The following COL22A1 variants were observed in gnomAD, a reference collection of about 807,000 sequenced individuals.
COL22A1 encodes collagen type XXII alpha 1 chain.
In COL22A1, 221 loss-of-function variants were observed where a neutral mutation model predicts 248.9. That is an observed-to-expected ratio of 0.89 (90% confidence interval 0.80 to 0.99). The LOEUF is 0.99. Among genes scored for constraint, COL22A1 ranks in the 50% least tolerant of loss-of-function variants. The pLI is 0.00. For synonymous variants in COL22A1, 891 were observed against 793.4 expected, an observed-to-expected ratio of 1.12 and a Z score of -2.07; for missense variants, 2,240 against 2,179.0, an observed-to-expected ratio of 1.03 and a Z score of -0.56.
chr8:138,804,197 A>G (rs1205461021), intron 10 of COL22A1, among the ~76,000 whole-genome samples: 1 of 152,124 alleles, frequency 6.6e-6, no homozygotes, highest in Non-Finnish European at 1.5e-5. Flanking sequence ...GACTCAGCCT[A>G]TGCATGTGGA....
intron 2 of COL22A1, among the ~76,000 whole-genome samples, chr8:138,881,362 T>G (rs1211172295): frequency 6.6e-6 from 1 of 152,160 alleles, no homozygotes; most frequent in African/African-American, 2.4e-5. Flanking sequence ...TCAACTTTTC[T>G]TTTTTAAGTC....
chr8:138,765,094 C>T (rs1833803870), intron 16 of COL22A1, among the ~76,000 whole-genome samples: 1 of 152,212 alleles, frequency 6.6e-6, no homozygotes, highest in Non-Finnish European at 1.5e-5. Flanking sequence ...CCAAACTTGG[C>T]AAGGTTGGCA....
intron 41 of COL22A1, 23 bp downstream of exon 41, chr8:138,676,535 G>C (rs1160350424): frequency 1.3e-6 from 2 of 1,531,032 alleles, no homozygotes; most frequent in Non-Finnish European, 1.8e-6. Context: ...AAGCAAGTAA[G>C]AGCTGGATAA....
chr8:138,768,494 G>C (rs1268394532), intron 16 of COL22A1, among the ~76,000 whole-genome samples: 4 of 152,230 alleles, frequency 2.6e-5, no homozygotes, highest in Non-Finnish European at 5.9e-5. Flanking sequence ...CCTGTGCTTT[G>C]ACAAGAACTC....
At chr8:138,752,200 A>G (rs1483355447) in intron 21 of COL22A1, among the ~76,000 whole-genome samples, 1 of 152,174 alleles carries the variant, frequency 6.6e-6, no homozygotes, top group Non-Finnish European at 1.5e-5. Context: ...CCCTGACAGA[A>G]CCCTGATTTA....
At chr8:138,649,593 G>A in intron 46 of COL22A1, 72 bp downstream of exon 46, 1 of 1,551,698 alleles carries the variant, frequency 6.4e-7, no homozygotes, top group Non-Finnish European at 8.7e-7. Context: ...AGGCAGATGG[G>A]GCAATACTGA....
intron 62 of COL22A1, among the ~76,000 whole-genome samples, chr8:138,595,124 C>G (rs556270765): frequency 6.6e-6 from 1 of 152,194 alleles, no homozygotes; most frequent in African/African-American, 2.4e-5. Flanking sequence ...CCCAAGGCCC[C>G]CGGCGTTTGA....
intron 12 of COL22A1, among the ~76,000 whole-genome samples, chr8:138,793,635 A>T (rs1189671148): frequency 6.6e-6 from 1 of 152,224 alleles, no homozygotes; most frequent in Non-Finnish European, 1.5e-5. Flanking sequence ...TCTCCTGCCA[A>T]CATCGAAGAT....
chr8:138,764,778 G>A (rs944498642), intron 16 of COL22A1, among the ~76,000 whole-genome samples: 16 of 152,072 alleles, frequency 1.1e-4, no homozygotes, highest in African/African-American at 3.9e-4. Context: ...GGCCAACATG[G>A]TGAAACCCCA....
rs3935045 is a variant in COL22A1 at position 138,660,428 on chromosome 8, T to C, written c.3285+8A>G. ...TCAATATTCATCCAGAACCATAAGA[T>C]GACATACCGGCTTGCCAGGAGGCCC... is the stretch of plus-strand genomic sequence containing the variant. On this transcript the variant is annotated splice_region_variant and intron_variant, in intron 44 of 64. Transcript: ENST00000303045. 0.72 allele frequency: 1,166,129 copies of C among 1,609,078 alleles called. 436,137 individuals carry two copies. The highest frequency in any genetic ancestry group is 0.78 in the Non-Finnish European group (912,116 of 1,175,608).
intron 40 of COL22A1, 33 bp downstream of exon 40, chr8:138,679,584 T>A (rs1186294488): frequency 6.2e-7 from 1 of 1,600,540 alleles, no homozygotes; most frequent in Non-Finnish European, 8.6e-7. Context: ...TCCTTCTGTC[T>A]TTTTGCAAAT....
At chr8:138,592,012 T>C (rs1284892851) in intron 63 of COL22A1, among the ~76,000 whole-genome samples, 1 of 152,176 alleles carries the variant, frequency 6.6e-6, no homozygotes, top group Non-Finnish European at 1.5e-5. Context: ...AGGAAGAAAC[T>C]GGATGGTATA....
intron 3 of COL22A1, among the ~76,000 whole-genome samples, chr8:138,857,250 C>A (rs1381279513): frequency 6.6e-6 from 1 of 152,176 alleles, no homozygotes; most frequent in Non-Finnish European, 1.5e-5. Context: ...ACTACCACTG[C>A]TCACACTCAG....
intron 52 of COL22A1, among the ~76,000 whole-genome samples, chr8:138,620,941 GCA>G (rs1819733962): frequency 7.9e-6 from 1 of 126,742 alleles, no homozygotes; most frequent in African/African-American, 2.7e-5. Flanking sequence ...AACCAACCAA[GCA>G]TCCATCCATC....
chr8:138,878,474 C>G (rs571585695), intron 2 of COL22A1, among the ~76,000 whole-genome samples, 158 bp from the exon 3 acceptor site: 1 of 152,284 alleles, frequency 6.6e-6, no homozygotes, highest in East Asian at 1.9e-4. Flanking sequence ...AAGGCCTGAG[C>G]CTCAGTTTCC....
intron 41 of COL22A1, among the ~76,000 whole-genome samples, chr8:138,668,138 A>G (rs889907797): frequency 5.3e-5 from 8 of 152,210 alleles, no homozygotes; most frequent in Non-Finnish European, 1.2e-4. Context: ...TGATGGTGTT[A>G]TGGATTTTTA....
chr8:138,837,295 C>T (rs1244989921), intron 4 of COL22A1, among the ~76,000 whole-genome samples: 1 of 152,210 alleles, frequency 6.6e-6, no homozygotes, highest in Non-Finnish European at 1.5e-5. Flanking sequence ...TGACTGGGAG[C>T]AGCCGCCACA....
At chr8:138,818,554 G>A (rs1173912917) in intron 7 of COL22A1, among the ~76,000 whole-genome samples, 5 of 152,288 alleles carry the variant, frequency 3.3e-5, no homozygotes, top group East Asian at 1.9e-4. Flanking sequence ...GACGGGCTGC[G>A]TGAGTGGAAA....
intron 30 of COL22A1, among the ~76,000 whole-genome samples, chr8:138,707,547 G>A (rs201352328): frequency 6.6e-6 from 1 of 152,026 alleles, no homozygotes; most frequent in Non-Finnish European, 1.5e-5. Context: ...ACATGATTAT[G>A]TCAATAGATG....
Sources: gnomAD v4.1 joint callset for allele counts (sites outside exome capture counted in the v4.1 genomes callset) on GRCh38, gnomAD v4.1.1 for gene constraint, MANE v1.5 for transcripts, NCBI Gene and HGNC (gene_info 2026-07-23, HGNC 2026-07-21) for gene names.